MAF: variants seen among roughly 807,000 people sequenced by gnomAD.
MAF encodes MAF bZIP transcription factor.
MAF carries 10 observed loss-of-function variants against 22.0 expected under a neutral mutation model. The observed-to-expected ratio is 0.45, with a 90% CI of 0.28 to 0.77. The LOEUF is 0.77. MAF is among the 30% of genes least tolerant of loss of function. MAF has a pLI of 0.12. For synonymous variants in MAF, 337 were observed against 255.8 expected (o/e 1.32, Z -3.03); for missense variants, 544 against 548.4 (o/e 0.99, Z 0.08).
chr16:79,592,740 T>C (rs970086154), downstream of MAF, among the ~76,000 whole-genome samples: 1 of 152,116 alleles, frequency 6.6e-6, no homozygotes, highest in Non-Finnish European at 1.5e-5. Context: ...TCAGCGGAGA[T>C]AAAAATTGTA....
chr16:79,522,808 A>G, the MAF span, among the ~76,000 whole-genome samples: 1 of 152,246 alleles, frequency 6.6e-6, no homozygotes, highest in Admixed American at 6.5e-5. Flanking sequence ...AGGATTAAAC[A>G]TTTAATGGAT....
At chr16:79,516,157 A>C in the MAF span, 1 of 152,106 alleles carries the variant, frequency 6.6e-6, no homozygotes, top group Non-Finnish European at 1.5e-5. Context: ...AAGCGCATAG[A>C]AGTAAGACCC....
chr16:79,560,243 GA>G, the MAF span, among the ~76,000 whole-genome samples: 1 of 152,042 alleles, frequency 6.6e-6, no homozygotes, highest in Non-Finnish European at 1.5e-5. Context: ...ATTCTTAAAT[GA>G]AATTCCATGT....
the MAF span, among the ~76,000 whole-genome samples, chr16:79,462,070 C>T: frequency 6.6e-6 from 1 of 152,274 alleles, no homozygotes; most frequent in Admixed American, 6.5e-5. Flanking sequence ...CTCTGTTTTC[C>T]CCGCCTCCCC....
chr16:79,466,860 C>T, the MAF span, among the ~76,000 whole-genome samples: 1 of 152,300 alleles, frequency 6.6e-6, no homozygotes, highest in East Asian at 1.9e-4. Flanking sequence ...AAAGTGATAG[C>T]TGCAGTGTTC....
chr16:79,293,648 G>C, the MAF span, among the ~76,000 whole-genome samples: 1 of 152,224 alleles, frequency 6.6e-6, no homozygotes, highest in African/African-American at 2.4e-5. Context: ...CCAGAACTCA[G>C]ATGACCACTC....
the MAF span, among the ~76,000 whole-genome samples, chr16:79,393,424 T>C: frequency 1.3e-5 from 2 of 152,240 alleles, no homozygotes; most frequent in African/African-American, 4.8e-5. Context: ...TCCAGCGCTC[T>C]CTGCCTCATT....
chr16:79,251,461 A>C, the MAF span, among the ~76,000 whole-genome samples: 1 of 151,868 alleles, frequency 6.6e-6, no homozygotes, highest in Admixed American at 6.6e-5. Context: ...GATTACAGGC[A>C]CCTGCCACCA....
the MAF span, among the ~76,000 whole-genome samples, chr16:79,400,043 G>T: frequency 6.6e-6 from 1 of 152,216 alleles, no homozygotes; most frequent in Non-Finnish European, 1.5e-5. Context: ...CACAGGTCTA[G>T]AGCAGTCTAT....
the MAF span, among the ~76,000 whole-genome samples, chr16:79,253,911 A>T: frequency 6.6e-6 from 1 of 151,984 alleles, no homozygotes; most frequent in Non-Finnish European, 1.5e-5. Context: ...TACCTAAATT[A>T]GTTGCTAAAG....
the MAF span, among the ~76,000 whole-genome samples, chr16:79,360,721 G>A: frequency 1.3e-5 from 2 of 152,178 alleles, no homozygotes; most frequent in Non-Finnish European, 2.9e-5. Context: ...TGCAAGTGCT[G>A]TGGGCATTTC....
At chr16:79,582,443 G>C (rs575750666), downstream of MAF, among the ~76,000 whole-genome samples, 179 of 152,150 alleles carry the variant, frequency 1.2e-3, 1 homozygote, top group African/African-American at 4.2e-3. Flanking sequence ...CTTTAAGTTG[G>C]CTCCTTCAAT....
the MAF span, among the ~76,000 whole-genome samples, chr16:79,553,542 C>G: frequency 6.6e-6 from 1 of 152,220 alleles, no homozygotes; most frequent in African/African-American, 2.4e-5. Flanking sequence ...CTCCACAACA[C>G]AGTCTGTCAT....
At chr16:79,408,989 G>T in the MAF span, among the ~76,000 whole-genome samples, 1 of 136,024 alleles carries the variant, frequency 7.4e-6, no homozygotes, top group South Asian at 2.8e-4. Flanking sequence ...ACATAGACCA[G>T]AGTTTTCAAA....
chr16:79,583,093 C>G (rs1228409164), downstream of MAF, among the ~76,000 whole-genome samples: 1 of 152,164 alleles, frequency 6.6e-6, no homozygotes, highest in South Asian at 2.1e-4. Flanking sequence ...TAGCTATACA[C>G]GTTGCGCTAA....
chr16:79,404,544 G>A, the MAF span, among the ~76,000 whole-genome samples: 2 of 152,184 alleles, frequency 1.3e-5, no homozygotes, highest in African/African-American at 4.8e-5. Flanking sequence ...CAGGTGTCCT[G>A]AGACCTGCAC....
the MAF span, among the ~76,000 whole-genome samples, chr16:79,240,382 A>C: frequency 6.6e-6 from 1 of 150,556 alleles, no homozygotes; most frequent in Non-Finnish European, 1.5e-5. Flanking sequence ...CAAGCCCTAC[A>C]ACACTTCAAC....
At chr16:79,570,797 G>A in the MAF span, among the ~76,000 whole-genome samples, 1 of 152,186 alleles carries the variant, frequency 6.6e-6, no homozygotes, top group Non-Finnish European at 1.5e-5. Flanking sequence ...CCATGCCTAT[G>A]GGCATACTAC....
the MAF span, among the ~76,000 whole-genome samples, chr16:79,367,394 G>T: frequency 3.3e-5 from 5 of 152,144 alleles, no homozygotes; most frequent in Non-Finnish European, 7.3e-5. Flanking sequence ...GTAGAAATAA[G>T]GAAGCAAGAA....
Sources: gnomAD v4.1 joint callset for allele counts (sites outside exome capture counted in the v4.1 genomes callset) on GRCh38, gnomAD v4.1.1 for gene constraint, MANE v1.5 for transcripts, NCBI Gene and HGNC (gene_info 2026-07-23, HGNC 2026-07-21) for gene names.